PLCB1: variants seen among roughly 807,000 people sequenced by gnomAD.
The protein encoded by PLCB1 is 1-phosphatidylinositol 4,5-bisphosphate phosphodiesterase beta-1.
In PLCB1, 46 loss-of-function variants were observed where a neutral mutation model predicts 161.8. That is an observed-to-expected ratio of 0.28 (90% CI 0.22 to 0.36). The LOEUF (loss-of-function observed/expected upper bound fraction) is 0.36, where lower values mean the gene tolerates loss of function less well. PLCB1 is among the 10% of genes least tolerant of loss of function. The probability of loss-of-function intolerance (pLI) is 1.00; values close to 1 mark genes in which losing one functional copy is unlikely to be tolerated. For synonymous variants in PLCB1, 517 were observed against 503.7 expected (o/e 1.03, Z -0.35); for missense variants, 1,016 against 1,472.5 (o/e 0.69, Z 5.07).
intron 3 of PLCB1, among the ~76,000 whole-genome samples, chr20:8,549,868 G>A (rs746357970): frequency 2.0e-5 from 3 of 152,158 alleles, no homozygotes; most frequent in African/African-American, 2.4e-5. Context: ...CACCACACCC[G>A]CGGAGATCTG....
chr20:8,618,751 G>C (rs1988098580), intron 3 of PLCB1, among the ~76,000 whole-genome samples: 1 of 152,002 alleles, frequency 6.6e-6, no homozygotes, highest in African/African-American at 2.4e-5. Context: ...ACACACAAAG[G>C]CATATTGAAG....
chr20:8,244,306 G>T (rs1038720322), intron 2 of PLCB1, among the ~76,000 whole-genome samples: 1 of 151,882 alleles, frequency 6.6e-6, no homozygotes, highest in Non-Finnish European at 1.5e-5. Flanking sequence ...AGTCGTATTT[G>T]TAATAGCCCC....
At chr20:8,459,186 A>G (rs910431790) in intron 3 of PLCB1, among the ~76,000 whole-genome samples, 4 of 152,316 alleles carry the variant, frequency 2.6e-5, no homozygotes, top group African/African-American at 9.6e-5. Context: ...AAATCTGTCT[A>G]CTCATCTCCG....
intron 3 of PLCB1, among the ~76,000 whole-genome samples, chr20:8,478,727 A>T (rs1185976605): frequency 6.6e-6 from 1 of 152,150 alleles, no homozygotes; most frequent in Non-Finnish European, 1.5e-5. Flanking sequence ...CCTCAAAATT[A>T]TAGATTGTGG....
At chr20:8,255,401 C>A (rs1981360602) in intron 2 of PLCB1, among the ~76,000 whole-genome samples, 1 of 151,928 alleles carries the variant, frequency 6.6e-6, no homozygotes, top group Non-Finnish European at 1.5e-5. Context: ...CAAAACAGAA[C>A]AAGACAAATT....
intron 2 of PLCB1, among the ~76,000 whole-genome samples, chr20:8,259,120 A>T (rs556572896): frequency 1.3e-5 from 2 of 152,304 alleles, no homozygotes; most frequent in East Asian, 3.9e-4. Context: ...TTCACTGATG[A>T]GTAATATTTT....
intron 31 of PLCB1, among the ~76,000 whole-genome samples, chr20:8,808,265 C>T (rs986614797): frequency 1.3e-5 from 2 of 152,116 alleles, no homozygotes; most frequent in African/African-American, 2.4e-5. Flanking sequence ...AAGGTGCCCG[C>T]GAGATTCGTT....
At chr20:8,879,541 G>A (rs1275684314) in intron 31 of PLCB1, among the ~76,000 whole-genome samples, 2 of 152,052 alleles carry the variant, frequency 1.3e-5, no homozygotes, top group Non-Finnish European at 2.9e-5. Context: ...CATATTTCAT[G>A]TATCAGTATC....
Position 8,705,648 on chromosome 20 carries a change from G to T in PLCB1, c.1168-3022G>T, listed in dbSNP as rs1978628610. 1.3e-5 allele frequency among the ~76,000 whole-genome samples: 2 copies of T among 152,216 alleles called. 1 individual carries two copies. The highest frequency in any genetic ancestry group is 4.1e-4 in the South Asian group (2 of 4,836). On this transcript the variant is annotated intron_variant, in intron 11 of 31. Coordinates refer to ENST00000338037, the MANE Select transcript of PLCB1 (RefSeq NM_015192.4). ...GTGCTGTACTTACTCCCAAATCAAT[G>T]CAGTAAATCATGCTTTAATGTGAGT...
At chr20:8,629,875 T>G (rs8114360) in intron 4 of PLCB1, among the ~76,000 whole-genome samples, 4,615 of 82,596 alleles carry the variant, frequency 0.056, 207 homozygotes, top group East Asian at 0.19. Context: ...CTTTCTTTCT[T>G]TCTCTCTCTC....
At chr20:8,388,822 A>G (rs1987509080) in intron 3 of PLCB1, among the ~76,000 whole-genome samples, 1 of 152,216 alleles carries the variant, frequency 6.6e-6, no homozygotes, top group Admixed American at 6.5e-5. Flanking sequence ...GATGTAAATT[A>G]TATGGCATAG....
At chr20:8,148,447 C>G (rs1449192505) in intron 1 of PLCB1, among the ~76,000 whole-genome samples, 1 of 152,108 alleles carries the variant, frequency 6.6e-6, no homozygotes, top group Non-Finnish European at 1.5e-5. Flanking sequence ...AGATATTTTT[C>G]AAACTGCATG....
intron 3 of PLCB1, among the ~76,000 whole-genome samples, chr20:8,426,410 TAC>T (rs1325194357): frequency 1.3e-5 from 2 of 152,238 alleles, no homozygotes; most frequent in African/African-American, 4.8e-5. Context: ...TATGTTTGGA[TAC>T]ACACGTGCGT....
intron 3 of PLCB1, among the ~76,000 whole-genome samples, chr20:8,461,659 A>G (rs1037444434): frequency 1.2e-4 from 18 of 152,190 alleles, no homozygotes; most frequent in African/African-American, 4.3e-4. Context: ...AATCCAATTG[A>G]GAGGTTAAAT....
chr20:8,302,522 A>G (rs1218485844), intron 2 of PLCB1, among the ~76,000 whole-genome samples: 2 of 152,232 alleles, frequency 1.3e-5, no homozygotes, highest in African/African-American at 4.8e-5. Flanking sequence ...GTCAGGAATC[A>G]GTGTTGTGCT....
At chr20:8,285,738 A>G (rs1175263475) in intron 2 of PLCB1, among the ~76,000 whole-genome samples, 1 of 152,124 alleles carries the variant, frequency 6.6e-6, no homozygotes, top group Admixed American at 6.5e-5. Flanking sequence ...GCTTCATAAG[A>G]TAGAGCAACC....
At chr20:8,614,841 C>T (rs1361683521) in intron 3 of PLCB1, among the ~76,000 whole-genome samples, 1 of 152,066 alleles carries the variant, frequency 6.6e-6, no homozygotes. Flanking sequence ...CTGTTGACAG[C>T]ACTGGTCTGG....
intron 24 of PLCB1, among the ~76,000 whole-genome samples, chr20:8,759,177 G>A (rs1157098976): frequency 6.6e-6 from 1 of 152,142 alleles, no homozygotes; most frequent in Non-Finnish European, 1.5e-5. Flanking sequence ...TTGGTCCGAT[G>A]TTTCCCCATG....
At chr20:8,305,580 C>T (rs927583584) in intron 2 of PLCB1, 5 of 152,160 alleles carry the variant, frequency 3.3e-5, no homozygotes, top group Non-Finnish European at 7.3e-5. Flanking sequence ...GTGGTAAAGG[C>T]ATGATGAGTC....
Sources: gnomAD v4.1 joint callset for allele counts (sites outside exome capture counted in the v4.1 genomes callset) on GRCh38, gnomAD v4.1.1 for gene constraint, MANE v1.5 for transcripts, NCBI Gene and HGNC (gene_info 2026-07-23, HGNC 2026-07-21) for gene names.